The following NFIB variants were observed in gnomAD, a reference collection of about 807,000 sequenced individuals.
The protein encoded by NFIB is nuclear factor I B.
NFIB carries 11 observed loss-of-function variants against 61.5 expected under a neutral mutation model. That is an observed-to-expected ratio of 0.18 (90% CI 0.11 to 0.30). The LOEUF (loss-of-function observed/expected upper bound fraction) is 0.30. Among genes scored for constraint, NFIB ranks in the 10% least tolerant of loss-of-function variants. NFIB has a pLI of 1.00. For missense variants in NFIB, 471 were observed against 608.9 expected (o/e 0.77, Z 2.38); for synonymous variants, 260 against 216.5 (o/e 1.20, Z -1.76).
Position 14,395,958 on chromosome 9 carries a change from T to C in NFIB, c.108+2566A>G, listed in dbSNP as rs972803532. 3.3e-5 allele frequency among the ~76,000 whole-genome samples: 5 copies of C among 152,052 alleles called. No individual in the cohort carries two copies. The South Asian group carries it at 1.0e-3, about 32-fold the overall frequency. On this transcript the variant is annotated intron_variant, in intron 1 of 8. Coordinates refer to the NFIB transcript ENST00000380934. Reference sequence around the variant, plus strand: ...TCTATCAGGGCACTGCAGCTGTCAGTGTTGGCTGCGGAAGCCAGTGATTGT... The same window carrying C: ...TCTATCAGGGCACTGCAGCTGTCAGCGTTGGCTGCGGAAGCCAGTGATTGT...
the NFIB span, among the ~76,000 whole-genome samples, chr9:14,441,035 T>C: frequency 1.3e-5 from 2 of 151,902 alleles, no homozygotes; most frequent in Non-Finnish European, 2.9e-5. Flanking sequence ...AGCCAGATTT[T>C]TACCCTAGGT....
chr9:14,519,852 T>G, the NFIB span, among the ~76,000 whole-genome samples: 1 of 152,216 alleles, frequency 6.6e-6, no homozygotes, highest in African/African-American at 2.4e-5. Flanking sequence ...TGAGCCCAGA[T>G]AGTCTAGCCT....
chr9:14,162,023 A>G (rs1187979255), intron 3 of NFIB, among the ~76,000 whole-genome samples: 1 of 152,168 alleles, frequency 6.6e-6, no homozygotes. Flanking sequence ...TACAACTTTC[A>G]TTTATTTCAT....
At chr9:14,316,268 G>A (rs1275980077), upstream of NFIB, among the ~76,000 whole-genome samples, 3 of 152,232 alleles carry the variant, frequency 2.0e-5, no homozygotes, top group African/African-American at 7.2e-5. Context: ...TTCAAAGAGC[G>A]CTCTTAATGA....
At chr9:14,293,253 A>C (rs2059214368) in intron 2 of NFIB, among the ~76,000 whole-genome samples, 1 of 152,302 alleles carries the variant, frequency 6.6e-6, no homozygotes, top group East Asian at 1.9e-4. Flanking sequence ...TTGCTACATC[A>C]TGTTTTTCCC....
In NFIB at chr9:14,313,971, G is replaced by C. The variant is rs1347553847; in HGVS notation, c.-460C>G. 1.9e-6 allele frequency: 2 copies of C among 1,058,312 alleles called. No individual in the cohort carries two copies. Among genetic ancestry groups the C allele is most frequent in the Non-Finnish European group, 2.3e-6 (2 of 877,388 alleles). 65.6% of individuals were successfully genotyped at this position (1,058,312 alleles called of 1,614,324 possible). A position where few individuals can be genotyped will look rare whatever the true frequency, so the allele number is the denominator to read the frequency against. On this transcript the variant is annotated 5_prime_UTR_variant, in exon 1 of 11. Transcript: ENST00000380953. The surrounding 1 kb of genome is among the most constrained non-coding windows in gnomAD (Gnocchi z 4.5). ...GGGGAGGGGGGCGCGGGAGGGCGCAGGAGGGCGAGCGGGCGGGCGGGAGGG... is the reference window on the plus strand; with the variant it reads ...GGGGAGGGGGGCGCGGGAGGGCGCACGAGGGCGAGCGGGCGGGCGGGAGGG...
chr9:14,146,617 T>C (rs2042301317), intron 6 of NFIB, 72 bp downstream of exon 6: 1 of 1,603,108 alleles, frequency 6.2e-7, no homozygotes, highest in African/African-American at 1.3e-5. Context: ...TATGAAATTT[T>C]GACTCAACGA....
chr9:14,206,858 C>T (rs949048583), intron 2 of NFIB, among the ~76,000 whole-genome samples: 2 of 152,112 alleles, frequency 1.3e-5, no homozygotes, highest in African/African-American at 2.4e-5. Context: ...ACTGACTGCA[C>T]AAGACAGTGC....
intron 3 of NFIB, among the ~76,000 whole-genome samples, chr9:14,171,034 C>T (rs1025565722): frequency 6.6e-6 from 1 of 152,140 alleles, no homozygotes; most frequent in Non-Finnish European, 1.5e-5. Flanking sequence ...CTAACTGTAG[C>T]CCATGAACGA....
Position 14,150,236 on chromosome 9 carries a change from A to T in NFIB, c.715T>A (p.Phe239Ile), listed in dbSNP as rs1486979628. ...TGGCTTGGGATTTCTCCAATTGGGAAGTTGACTCCAGTTCCCTGGGTTATG... is the reference window on the plus strand; with the variant it reads ...TGGCTTGGGATTTCTCCAATTGGGATGTTGACTCCAGTTCCCTGGGTTATG... ...TPITQGTGVN[F>I]PIGEIPSQPY... is the part of the protein sequence containing the mutation. Residue 239 changes from phenylalanine to isoleucine, a missense_variant, in exon 5 of 11, where the codon TTC becomes ATC. By Grantham distance (21) the Phe-to-Ile change is conservative. Coordinates refer to ENST00000380953, the MANE Select transcript of NFIB (RefSeq NM_001190737.2). 6.2e-7 allele frequency: 1 copy of T among 1,613,352 alleles called. No homozygotes were observed. Among genetic ancestry groups the T allele is most frequent in the African/African-American group, 1.3e-5 (1 of 74,872 alleles).
At chr9:14,387,520 G>A (rs957280058) in intron 1 of NFIB, among the ~76,000 whole-genome samples, 9 of 152,122 alleles carry the variant, frequency 5.9e-5, no homozygotes, top group South Asian at 2.1e-4. Context: ...TCAGTGAGAA[G>A]AAGAAACAAA....
chr9:14,447,809 T>A, the NFIB span, among the ~76,000 whole-genome samples: 10 of 152,172 alleles, frequency 6.6e-5, no homozygotes, highest in African/African-American at 2.4e-4. Context: ...GAGTTCATGT[T>A]CATTTGTTTC....
intron 2 of NFIB, among the ~76,000 whole-genome samples, chr9:14,262,262 C>T (rs139713274): frequency 6.6e-6 from 1 of 152,270 alleles, no homozygotes; most frequent in East Asian, 1.9e-4. Flanking sequence ...AGATTAAGAA[C>T]ATTTACTTTC....
intron 2 of NFIB, among the ~76,000 whole-genome samples, chr9:14,248,357 G>A (rs1307761215): frequency 1.4e-5 from 2 of 144,668 alleles, no homozygotes; most frequent in Non-Finnish European, 3.0e-5. Context: ...TGTAGCCTTG[G>A]TCTCCCAGGC....
At chr9:14,328,612 G>C (rs1359247254) in intron 1 of NFIB, among the ~76,000 whole-genome samples, 1 of 151,504 alleles carries the variant, frequency 6.6e-6, no homozygotes, top group Non-Finnish European at 1.5e-5. Context: ...GCATATATCT[G>C]GTATCTGCTT....
chr9:14,418,430 C>T, the NFIB span, among the ~76,000 whole-genome samples: 1 of 152,122 alleles, frequency 6.6e-6, no homozygotes, highest in Non-Finnish European at 1.5e-5. Flanking sequence ...AAATGAACCC[C>T]CACCCCCATC....
the NFIB span, among the ~76,000 whole-genome samples, chr9:14,454,067 C>CA: frequency 0.045 from 6,557 of 146,756 alleles, 158 homozygotes; most frequent in Non-Finnish European, 0.055. Context: ...GACTCCGTTT[C>CA]AAAAAAAAAA....
At position 14,355,772 on chromosome 9, in the gene NFIB, C is replaced by T. The variant is rs112257279; in HGVS notation, c.108+42752G>A. ...GAGTTCGAGACCATCCTGCCTAACA[C>T]GGTGAAACCCTGTCTCTACTAAAAA... On this transcript the variant is annotated intron_variant, in intron 1 of 8. Transcript: ENST00000380934. 8.6e-3 allele frequency among the ~76,000 whole-genome samples: 1,303 copies of T among 152,178 alleles called. 15 individuals carry two copies. The highest frequency in any genetic ancestry group is 0.029 in the African/African-American group (1,225 of 41,530).
the NFIB span, among the ~76,000 whole-genome samples, chr9:14,453,078 C>T: frequency 6.6e-6 from 1 of 152,118 alleles, no homozygotes; most frequent in South Asian, 2.1e-4. Context: ...CTCTTTAGAA[C>T]TCCCAGTGAG....
Sources: allele counts gnomAD v4.1 joint callset (sites outside exome capture counted in the v4.1 genomes callset), GRCh38; gene constraint gnomAD v4.1.1; non-coding constraint Gnocchi (gnomAD v3.1); transcripts MANE v1.5; gene names NCBI Gene and HGNC (gene_info 2026-07-23, HGNC 2026-07-21).